GRID2: variants seen among roughly 807,000 people sequenced by gnomAD.
GRID2 encodes the protein glutamate ionotropic receptor delta type subunit 2.
GRID2 carries 33 observed loss-of-function variants against 114.8 expected under a neutral mutation model. That is an observed-to-expected ratio of 0.29 (90% CI 0.22 to 0.38). GRID2 has a LOEUF of 0.38. Ranked by LOEUF, GRID2 falls within the 10% of genes least tolerant of loss-of-function variation. The pLI is 1.00. For missense variants in GRID2, 1,184 were observed against 1,257.7 expected (o/e 0.94, Z 0.89); for synonymous variants, 505 against 449.9 (o/e 1.12, Z -1.55).
At chr4:93,050,411 CA>C (rs1419413523) in intron 2 of GRID2, among the ~76,000 whole-genome samples, 1 of 151,732 alleles carries the variant, frequency 6.6e-6, no homozygotes, top group Non-Finnish European at 1.5e-5. Context: ...AAATAAAATT[CA>C]AAGTGTAATC....
chr4:92,332,416 T>C (rs1185869056), intron 1 of GRID2, among the ~76,000 whole-genome samples: 1 of 152,258 alleles, frequency 6.6e-6, no homozygotes, highest in Non-Finnish European at 1.5e-5. Flanking sequence ...CTCCCACCAC[T>C]ATTGCACTGG....
intron 13 of GRID2, among the ~76,000 whole-genome samples, chr4:93,591,973 C>G (rs1263468714): frequency 7.2e-5 from 11 of 151,942 alleles, no homozygotes; most frequent in African/African-American, 1.9e-4. Flanking sequence ...CTTGCTAGTG[C>G]TCTATCAATT....
intron 2 of GRID2, among the ~76,000 whole-genome samples, chr4:92,761,216 T>C (rs577618589): frequency 1.3e-5 from 2 of 152,302 alleles, no homozygotes; most frequent in South Asian, 2.1e-4. Context: ...AAATTCCTGC[T>C]TTTTTCTAGT....
chr4:93,656,539 A>G (rs1723006614), intron 14 of GRID2, among the ~76,000 whole-genome samples: 4 of 152,036 alleles, frequency 2.6e-5, no homozygotes, highest in African/African-American at 9.7e-5. Context: ...TATATCAAAT[A>G]AGACAAATAG....
intron 2 of GRID2, among the ~76,000 whole-genome samples, chr4:92,774,747 C>T (rs1738709061): frequency 6.6e-6 from 1 of 151,876 alleles, no homozygotes; most frequent in African/African-American, 2.4e-5. Context: ...AGGCTCACAC[C>T]ACCATGCAAG....
intron 11 of GRID2, among the ~76,000 whole-genome samples, chr4:93,490,291 A>G (rs1726855798): frequency 6.6e-6 from 1 of 151,938 alleles, no homozygotes; most frequent in Non-Finnish European, 1.5e-5. Context: ...ATATAGGCAT[A>G]GCAATATTAA....
At chr4:93,474,172 C>T (rs1156570514) in intron 11 of GRID2, among the ~76,000 whole-genome samples, 2 of 151,988 alleles carry the variant, frequency 1.3e-5, no homozygotes, top group Non-Finnish European at 2.9e-5. Flanking sequence ...TATACTACTA[C>T]TAAAATAGAG....
rs139674194 is a variant in GRID2 at position 92,510,695 on chromosome 4, C to T, written c.89-79436C>T. On this transcript the variant is annotated intron_variant, in intron 1 of 15. Coordinates refer to ENST00000282020, the MANE Select transcript of GRID2 (RefSeq NM_001510.4). ...GTTAACAATAAGTCATAGTATGTTA[C>T]GAAATACGTAGGAAAGAGTTTGGAT... Among the ~76,000 whole-genome samples the T allele has an allele frequency of 7.1e-3, 1,081 of 151,440 alleles. 11 individuals are homozygous for T. The highest frequency in any genetic ancestry group is 0.024 in the African/African-American group (1,001 of 41,322).
intron 9 of GRID2, among the ~76,000 whole-genome samples, chr4:93,413,229 C>A (rs895516114): frequency 3.3e-5 from 5 of 152,182 alleles, no homozygotes; most frequent in Non-Finnish European, 7.3e-5. Context: ...TAAAAGCGTT[C>A]CTATTTCTTC....
At chr4:92,676,636 G>A (rs893062142) in intron 2 of GRID2, among the ~76,000 whole-genome samples, 5 of 151,924 alleles carry the variant, frequency 3.3e-5, no homozygotes, top group Non-Finnish European at 5.9e-5. Context: ...TGTAAGATAA[G>A]ATCCCCATAT....
At chr4:93,796,266 T>C (rs984782929) in intron 1 of GRID2, among the ~76,000 whole-genome samples, 1 of 152,082 alleles carries the variant, frequency 6.6e-6, no homozygotes, top group Non-Finnish European at 1.5e-5. Context: ...CAAAGATTGA[T>C]ACTCCACTAG....
chr4:92,988,462 A>G (rs1188588630), intron 2 of GRID2, among the ~76,000 whole-genome samples: 2 of 152,170 alleles, frequency 1.3e-5, no homozygotes, highest in African/African-American at 4.8e-5. Context: ...TCTTCTTGTA[A>G]TCTAATCTTG....
At chr4:92,414,976 A>G (rs1579321586) in intron 1 of GRID2, among the ~76,000 whole-genome samples, 1 of 152,154 alleles carries the variant, frequency 6.6e-6, no homozygotes, top group Non-Finnish European at 1.5e-5. Context: ...TATACTAGAC[A>G]AGATGTTACG....
intron 13 of GRID2, among the ~76,000 whole-genome samples, chr4:93,535,114 A>C (rs1276575707): frequency 6.6e-6 from 1 of 151,832 alleles, no homozygotes; most frequent in African/African-American, 2.4e-5. Flanking sequence ...GAGATCATGC[A>C]GTATGTCTTT....
intron 3 of GRID2, among the ~76,000 whole-genome samples, chr4:93,108,361 T>C (rs1293356591): frequency 1.3e-5 from 2 of 152,204 alleles, no homozygotes; most frequent in East Asian, 1.9e-4. Flanking sequence ...ATTCAACAAA[T>C]GTTTTTGGAG....
intron 1 of GRID2, among the ~76,000 whole-genome samples, chr4:92,385,274 A>T (rs565191924): frequency 6.6e-6 from 1 of 151,938 alleles, no homozygotes; most frequent in South Asian, 2.1e-4. Flanking sequence ...TCTAGACATG[A>T]CTATATGACT....
chr4:93,469,628 T>C (rs376913277), intron 11 of GRID2, among the ~76,000 whole-genome samples: 1 of 152,250 alleles, frequency 6.6e-6, no homozygotes, highest in South Asian at 2.1e-4. Flanking sequence ...CATTTCTTGA[T>C]TTTTAAATTT....
intron 2 of GRID2, among the ~76,000 whole-genome samples, chr4:92,755,223 T>C (rs1737654142): frequency 6.6e-6 from 1 of 152,206 alleles, no homozygotes; most frequent in Non-Finnish European, 1.5e-5. Context: ...AAACTTTGTT[T>C]CTGCCATTTT....
chr4:92,634,879 A>AAG (rs70942918), intron 2 of GRID2, among the ~76,000 whole-genome samples: 32 of 135,756 alleles, frequency 2.4e-4, no homozygotes, highest in South Asian at 1.2e-3. Flanking sequence ...GAGAGAGAGA[A>AAG]AGAGAGAGAG....
Sources: gnomAD v4.1 joint callset for allele counts (sites outside exome capture counted in the v4.1 genomes callset) on GRCh38, gnomAD v4.1.1 for gene constraint, MANE v1.5 for transcripts, NCBI Gene and HGNC (gene_info 2026-07-23, HGNC 2026-07-21) for gene names.